Variants in C1QTNF3 observed in about 807,000 individuals in gnomAD.
C1QTNF3 encodes the protein C1q and TNF related 3.
C1QTNF3 carries 26 observed loss-of-function variants against 32.6 expected under a neutral mutation model. The ratio of observed to expected loss-of-function variants is 0.80; its 90% CI spans 0.58 to 1.11. C1QTNF3 has a LOEUF of 1.11. C1QTNF3 is among the 50% of genes least tolerant of loss of function. The pLI is 0.00. For synonymous variants in C1QTNF3, 155 were observed against 146.0 expected (o/e 1.06, Z -0.44); for missense variants, 362 against 398.2 (o/e 0.91, Z 0.77).
chr5:34,023,610 G>T (rs1754394888), intron 5 of C1QTNF3, among the ~76,000 whole-genome samples: 1 of 152,192 alleles, frequency 6.6e-6, no homozygotes, highest in African/African-American at 2.4e-5. Flanking sequence ...AGAAAAAGGG[G>T]CAGAGAGAGA....
chr5:34,177,058 T>C, the C1QTNF3 span, among the ~76,000 whole-genome samples: 7 of 151,680 alleles, frequency 4.6e-5, no homozygotes, highest in African/African-American at 1.7e-4. Flanking sequence ...CTAGGTGTAG[T>C]GGCGCATGCC....
At chr5:34,079,115 C>G in the C1QTNF3 span, among the ~76,000 whole-genome samples, 1 of 151,496 alleles carries the variant, frequency 6.6e-6, no homozygotes, top group Non-Finnish European at 1.5e-5. Context: ...AATAAAAACA[C>G]ATAAACTAAT....
At chr5:34,046,899 C>T (rs917471598), upstream of C1QTNF3, among the ~76,000 whole-genome samples, 5 of 152,250 alleles carry the variant, frequency 3.3e-5, no homozygotes, top group East Asian at 9.6e-4. Flanking sequence ...AGAAGAGTCC[C>T]TCATCTTTCA....
intron 5 of C1QTNF3, among the ~76,000 whole-genome samples, chr5:34,023,618 A>G (rs979350352): frequency 1.3e-5 from 2 of 152,202 alleles, no homozygotes; most frequent in Non-Finnish European, 2.9e-5. Context: ...GGGCAGAGAG[A>G]GAGGAGAAAA....
the C1QTNF3 span, among the ~76,000 whole-genome samples, chr5:34,226,079 C>G: frequency 1.3e-5 from 2 of 151,880 alleles, no homozygotes; most frequent in Non-Finnish European, 2.9e-5. Context: ...TTCTTGTCCC[C>G]TTGAACCATA....
At position 34,028,903 on chromosome 5, in the gene C1QTNF3, T is replaced by C; in HGVS notation, c.571-20A>G. 6.2e-7 allele frequency: 1 copy of C among 1,600,528 alleles called. No individual in the cohort carries two copies. The highest frequency in any genetic ancestry group is 8.5e-7 in the Non-Finnish European group (1 of 1,172,782). ...TGCAATCTAAGGAAAGAATTATTGGTCAATAAATAGGCAATTTATCTTAAA... is the reference window on the plus strand; with the variant it reads ...TGCAATCTAAGGAAAGAATTATTGGCCAATAAATAGGCAATTTATCTTAAA... On this transcript the variant is annotated intron_variant, in intron 3 of 5. Coordinates refer to ENST00000382065, the MANE Select transcript of C1QTNF3 (RefSeq NM_181435.6).
upstream of C1QTNF3, among the ~76,000 whole-genome samples, chr5:34,044,028 A>T (rs1352359243): frequency 6.6e-6 from 1 of 152,202 alleles, no homozygotes; most frequent in Non-Finnish European, 1.5e-5. Context: ...CCTTGAGCCC[A>T]GAAATTCGAG....
chr5:34,154,117 G>T, the C1QTNF3 span, among the ~76,000 whole-genome samples: 21 of 152,130 alleles, frequency 1.4e-4, no homozygotes, highest in African/African-American at 4.8e-4. Flanking sequence ...TAAGTATAGA[G>T]TTTTTGTGAA....
the C1QTNF3 span, among the ~76,000 whole-genome samples, chr5:34,104,160 T>C: frequency 2.2e-5 from 2 of 92,690 alleles, no homozygotes; most frequent in African/African-American, 4.3e-5. Flanking sequence ...AAACTGTTCA[T>C]GTCATAAGAA....
At chr5:34,140,527 GAAAT>G in the C1QTNF3 span, among the ~76,000 whole-genome samples, 1 of 152,212 alleles carries the variant, frequency 6.6e-6, no homozygotes, top group Non-Finnish European at 1.5e-5. Flanking sequence ...ATTCGTATGA[GAAAT>G]AAGTCAGACA....
the C1QTNF3 span, among the ~76,000 whole-genome samples, chr5:34,049,105 CACAG>C: frequency 6.6e-6 from 1 of 152,150 alleles, no homozygotes; most frequent in African/African-American, 2.4e-5. Context: ...TTAGGGTATT[CACAG>C]ACAATCTTTT....
intron 1 of C1QTNF3, among the ~76,000 whole-genome samples, chr5:34,041,011 G>C (rs1260596902): frequency 2.0e-5 from 3 of 152,114 alleles, no homozygotes; most frequent in Admixed American, 2.0e-4. Flanking sequence ...AGGATGGTTT[G>C]GACATGGGAG....
the C1QTNF3 span, among the ~76,000 whole-genome samples, chr5:34,074,500 T>G: frequency 6.6e-6 from 1 of 151,582 alleles, no homozygotes; most frequent in South Asian, 2.1e-4. Context: ...CCTTGTCATC[T>G]CTCCTTCTTG....
the C1QTNF3 span, among the ~76,000 whole-genome samples, chr5:34,135,465 T>C: frequency 8.5e-5 from 13 of 152,176 alleles, no homozygotes. Flanking sequence ...CCTCTTTTTC[T>C]ATTGATTGGA....
At chr5:34,102,480 C>A in the C1QTNF3 span, among the ~76,000 whole-genome samples, 1 of 151,806 alleles carries the variant, frequency 6.6e-6, no homozygotes, top group African/African-American at 2.4e-5. Flanking sequence ...TTGTTATGAT[C>A]CCTATTAAGG....
chr5:34,160,830 G>A, the C1QTNF3 span, among the ~76,000 whole-genome samples: 2 of 150,862 alleles, frequency 1.3e-5, no homozygotes, highest in Non-Finnish European at 2.9e-5. Flanking sequence ...GAGAGGGAGC[G>A]AAAGAGAGAG....
At chr5:34,108,727 A>G in the C1QTNF3 span, among the ~76,000 whole-genome samples, 2 of 149,930 alleles carry the variant, frequency 1.3e-5, no homozygotes, top group South Asian at 2.2e-4. Flanking sequence ...ACACAAGCAA[A>G]AAATCACTTA....
chr5:34,039,048 T>C (rs141420009), intron 1 of C1QTNF3, among the ~76,000 whole-genome samples: 136 of 152,300 alleles, frequency 8.9e-4, no homozygotes, highest in African/African-American at 3.2e-3. Flanking sequence ...AGCATGTGCA[T>C]TAAGAGGCAA....
the C1QTNF3 span, among the ~76,000 whole-genome samples, chr5:34,163,986 AAAT>A: frequency 6.6e-6 from 1 of 152,232 alleles, no homozygotes; most frequent in Admixed American, 6.6e-5. Flanking sequence ...CAAAGATATA[AAAT>A]AATATCTACC....
Sources: allele counts gnomAD v4.1 joint callset (sites outside exome capture counted in the v4.1 genomes callset), GRCh38; gene constraint gnomAD v4.1.1; transcripts MANE v1.5; gene names NCBI Gene and HGNC (gene_info 2026-07-23, HGNC 2026-07-21).